The following ELF2 variants were observed in gnomAD, a reference collection of about 807,000 sequenced individuals.
ELF2 encodes the protein ETS-related transcription factor Elf-2.
A neutral mutation model predicts 54.8 loss-of-function variants in ELF2; 11 were observed. The ratio of observed to expected loss-of-function variants is 0.20; its 90% CI spans 0.13 to 0.33. The LOEUF (loss-of-function observed/expected upper bound fraction) is 0.33. Among genes scored for constraint, ELF2 ranks in the 10% least tolerant of loss-of-function variants. The probability of loss-of-function intolerance (pLI) is 1.00; values close to 1 mark genes in which losing one functional copy is unlikely to be tolerated. For missense variants in ELF2, 513 were observed against 703.0 expected, an observed-to-expected ratio of 0.73 and a Z score of 3.06; for synonymous variants, 203 against 245.1, an observed-to-expected ratio of 0.83 and a Z score of 1.61.
At chr4:139,157,152 C>A (rs1012544173) in intron 1 of ELF2, among the ~76,000 whole-genome samples, 1 of 152,180 alleles carries the variant, frequency 6.6e-6, no homozygotes, top group Admixed American at 6.5e-5. Context: ...TGCTCCCAGT[C>A]TCCAAACCTG....
chr4:139,103,400 C>T (rs1303834588), intron 4 of ELF2, among the ~76,000 whole-genome samples: 3 of 152,202 alleles, frequency 2.0e-5, no homozygotes, highest in African/African-American at 7.2e-5. Context: ...CTCCCAACCT[C>T]TGGGCCTCGG....
intron 4 of ELF2, among the ~76,000 whole-genome samples, chr4:139,084,768 C>A (rs901160591): frequency 2.0e-5 from 3 of 152,236 alleles, no homozygotes; most frequent in African/African-American, 4.8e-5. Context: ...TATTTAACTT[C>A]TTTTGGCTTT....
chr4:139,081,968 G>C (rs1731178606), intron 4 of ELF2, among the ~76,000 whole-genome samples: 1 of 152,136 alleles, frequency 6.6e-6, no homozygotes. Flanking sequence ...AGTAGAGCTG[G>C]AAAACAGCAC....
At chr4:139,132,903 G>A (rs115355526) in intron 3 of ELF2, among the ~76,000 whole-genome samples, 3,740 of 143,996 alleles carry the variant, frequency 0.026, 88 homozygotes, top group African/African-American at 0.062. Context: ...TTTGGTGGGG[G>A]TGAGGGAGAG....
At chr4:139,068,221 C>T (rs1447353673) in intron 6 of ELF2, among the ~76,000 whole-genome samples, 1 of 152,090 alleles carries the variant, frequency 6.6e-6, no homozygotes, top group Non-Finnish European at 1.5e-5. Flanking sequence ...GGGGTTTCAC[C>T]GTATTAGCCA....
intron 8 of ELF2, among the ~76,000 whole-genome samples, chr4:139,061,103 C>G (rs1395506505): frequency 6.6e-6 from 1 of 151,926 alleles, no homozygotes; most frequent in Non-Finnish European, 1.5e-5. Flanking sequence ...AATGTGTTCA[C>G]TTAAAAACAC....
At chr4:139,161,200 C>T (rs1011677635) in intron 1 of ELF2, among the ~76,000 whole-genome samples, 1 of 152,242 alleles carries the variant, frequency 6.6e-6, no homozygotes, top group East Asian at 1.9e-4. Context: ...ATATAGGAAT[C>T]AACCCAAATG....
At chr4:139,087,846 C>G (rs565152588) in intron 4 of ELF2, among the ~76,000 whole-genome samples, 11 of 152,204 alleles carry the variant, frequency 7.2e-5, no homozygotes, top group Middle Eastern at 3.4e-3. Flanking sequence ...ATAGTTTAAA[C>G]GACATTTATG....
At chr4:139,065,640 C>A (rs1241163704) in intron 7 of ELF2, among the ~76,000 whole-genome samples, 2 of 152,088 alleles carry the variant, frequency 1.3e-5, no homozygotes, top group African/African-American at 2.4e-5. Context: ...TTGACTGTAA[C>A]AGCTTCAATT....
chr4:139,124,558 ACTCTATTTT>A (rs1736716443), intron 4 of ELF2, among the ~76,000 whole-genome samples: 1 of 152,146 alleles, frequency 6.6e-6, no homozygotes, highest in African/African-American at 2.4e-5. Flanking sequence ...CTGATAAAAT[ACTCTATTTT>A]CTTCATAATC....
At position 139,075,351 on chromosome 4, in the gene ELF2, G is replaced by C. The variant is rs1254095911; in HGVS notation, c.239-1784C>G. On this transcript the variant is annotated intron_variant, in intron 4 of 9. Coordinates refer to ENST00000686138, the MANE Select transcript of ELF2 (RefSeq NM_001331036.3). ...CCTGTAAGATTATAAACTTCTTGAG[G>C]TCTGGGGGGCTAGCTTAACCCATCT... is the stretch of plus-strand genomic sequence containing the variant. 2.0e-5 allele frequency among the ~76,000 whole-genome samples: 3 copies of C among 152,194 alleles called. 1 individual carries two copies. The highest frequency in any genetic ancestry group is 4.1e-4 in the South Asian group (2 of 4,836).
intron 3 of ELF2, among the ~76,000 whole-genome samples, chr4:139,131,195 G>GT (rs1737456538): frequency 6.6e-6 from 1 of 152,118 alleles, no homozygotes; most frequent in Admixed American, 6.5e-5. Flanking sequence ...AATAATAACT[G>GT]TAAGAATGTC....
Position 139,125,100 on chromosome 4 carries a change from T to C in ELF2, c.238+64A>G, listed in dbSNP as rs1736784428. ...TTTCAGTATATTTTTCATCTGGCAA[T>C]AGTATTGTTGAAGCTTACAAAATGA... is the stretch of plus-strand genomic sequence containing the variant. On this transcript the variant is annotated intron_variant, in intron 4 of 9. Coordinates refer to ENST00000686138, the MANE Select transcript of ELF2 (RefSeq NM_001331036.3). The C allele has an allele frequency of 4.5e-6, 7 of 1,547,734 alleles. No homozygotes were observed. In the Admixed American group the frequency reaches 1.5e-4, roughly 33 times the overall value.
intron 4 of ELF2, among the ~76,000 whole-genome samples, chr4:139,114,749 TA>T (rs1157317809): frequency 1.5e-5 from 2 of 136,390 alleles, no homozygotes; most frequent in South Asian, 4.6e-4. Flanking sequence ...TTAATAACAA[TA>T]AAAAAACCCA....
chr4:139,127,459 T>C lies in ELF2; in HGVS notation c.73-2130A>G, dbSNP rs988079298. Among the ~76,000 whole-genome samples the C allele has an allele frequency of 3.9e-5, 6 of 152,216 alleles. No individual in the cohort carries two copies. The South Asian group carries it at 8.3e-4, about 21-fold the overall frequency. ...TCTCCTGGAAGCCTTCATCTATCTATGATAATATTGCCCTTTCCTAACTCA... is the reference window on the plus strand; with the variant it reads ...TCTCCTGGAAGCCTTCATCTATCTACGATAATATTGCCCTTTCCTAACTCA... On this transcript the variant is annotated intron_variant, in intron 3 of 9. Coordinates refer to ENST00000686138, the MANE Select transcript of ELF2 (RefSeq NM_001331036.3).
chr4:139,162,933 CAA>C (rs1177219169), intron 1 of ELF2, among the ~76,000 whole-genome samples: 1 of 151,750 alleles, frequency 6.6e-6, no homozygotes, highest in African/African-American at 2.4e-5. Flanking sequence ...TCTGTCTCTA[CAA>C]AAAAAATTTT....
At chr4:139,080,972 C>T (rs542318517) in intron 4 of ELF2, among the ~76,000 whole-genome samples, 1 of 151,366 alleles carries the variant, frequency 6.6e-6, no homozygotes, top group East Asian at 1.9e-4. Flanking sequence ...AAGGAGAAGC[C>T]CTACCTTTCC....
intron 2 of ELF2, among the ~76,000 whole-genome samples, 180 bp downstream of exon 2, chr4:139,139,233 T>C (rs1201755419): frequency 6.6e-6 from 1 of 152,074 alleles, no homozygotes; most frequent in Non-Finnish European, 1.5e-5. Context: ...AAAGCAGAAA[T>C]TTCATCTTAC....
At chr4:139,164,459 A>C (rs1384063036) in intron 1 of ELF2, among the ~76,000 whole-genome samples, 3 of 152,136 alleles carry the variant, frequency 2.0e-5, no homozygotes. Context: ...AACATGGAGA[A>C]ACACCATCTC....
Sources: gnomAD v4.1 joint callset for allele counts (sites outside exome capture counted in the v4.1 genomes callset) on GRCh38, gnomAD v4.1.1 for gene constraint, MANE v1.5 for transcripts, NCBI Gene and HGNC (gene_info 2026-07-23, HGNC 2026-07-21) for gene names.